MROH9: variants seen among roughly 807,000 people sequenced by gnomAD.
The protein encoded by MROH9 is maestro heat-like repeat-containing protein family member 9.
MROH9 carries 92 observed loss-of-function variants against 98.2 expected under a neutral mutation model. The observed-to-expected ratio is 0.94, with a 90% CI of 0.79 to 1.11. The LOEUF (loss-of-function observed/expected upper bound fraction) is 1.11. Ranked by LOEUF, MROH9 falls within the 50% of genes most tolerant of loss-of-function variation. The probability of loss-of-function intolerance (pLI) is 0.00; values close to 1 mark genes in which losing one functional copy is unlikely to be tolerated. For synonymous variants in MROH9, 397 were observed against 368.9 expected (o/e 1.08, Z -0.87); for missense variants, 1,057 against 1,014.8 (o/e 1.04, Z -0.57).
intron 15 of MROH9, among the ~76,000 whole-genome samples, chr1:171,006,133 A>C (rs991271347): frequency 8.5e-5 from 13 of 152,186 alleles, no homozygotes; most frequent in East Asian, 3.9e-4. Context: ...AAACTCCCTC[A>C]GCTTTTGTTT....
chr1:170,941,230 G>C (rs893205793), intron 1 of MROH9, among the ~76,000 whole-genome samples: 1 of 152,062 alleles, frequency 6.6e-6, no homozygotes, highest in Admixed American at 6.6e-5. Context: ...ACTTACCCTG[G>C]AAAAGGCCAT....
intron 7 of MROH9, 27 bp from the exon 8 acceptor site, chr1:170,971,721 G>A: frequency 6.2e-7 from 1 of 1,612,822 alleles, no homozygotes; most frequent in South Asian, 1.1e-5. Flanking sequence ...CATAGCAAAT[G>A]CATGTTCTCC....
At position 171,045,153 on chromosome 1, in the gene MROH9, A is replaced by T. The variant is rs552375665; in HGVS notation, c.2282-16979A>T. On this transcript the variant is annotated intron_variant, in intron 20 of 21. Transcript: ENST00000367759. ...GTAGCTGGGACTACAGGCGCCCGCC[A>T]CCACGCCCGGTTAATTTTTTCTATT... Among the ~76,000 whole-genome samples the T allele has an allele frequency of 1.7e-4, 25 of 150,770 alleles. No individual in the cohort carries two copies. In the East Asian group the frequency reaches 4.9e-3, roughly 30 times the overall value.
chr1:170,956,223 A>C (rs1243052577), intron 3 of MROH9, among the ~76,000 whole-genome samples: 1 of 152,138 alleles, frequency 6.6e-6, no homozygotes, highest in South Asian at 2.1e-4. Context: ...CTATGGCCTT[A>C]TAGTACAGCT....
At chr1:170,968,839 A>AAATATAACT (rs1395832675) in intron 7 of MROH9, among the ~76,000 whole-genome samples, 1 of 152,208 alleles carries the variant, frequency 6.6e-6, no homozygotes, top group Admixed American at 6.6e-5. Context: ...TACTAAAAGG[A>AAATATAACT]AATATAACTA....
At position 170,947,509 on chromosome 1, in the gene MROH9, C is replaced by T. The variant is rs754518398; in HGVS notation, c.26-18C>T. Reference sequence around the variant, plus strand: ...CTATGTTCATTCCTTTTTAACGAATCTCCTTCTTTCTGGCTAGAGAGTAGT... The same window carrying T: ...CTATGTTCATTCCTTTTTAACGAATTTCCTTCTTTCTGGCTAGAGAGTAGT... On this transcript the variant is annotated intron_variant, in intron 2 of 21. Transcript: ENST00000367759. The T allele has an allele frequency of 1.9e-6, 3 of 1,607,024 alleles. No homozygotes were observed. Among genetic ancestry groups the T allele is most frequent in the Admixed American group, 1.7e-5 (1 of 59,554 alleles).
intron 20 of MROH9, among the ~76,000 whole-genome samples, chr1:171,038,779 T>A (rs1653193218): frequency 1.3e-5 from 2 of 152,190 alleles, no homozygotes; most frequent in Non-Finnish European, 2.9e-5. Context: ...ACTGTCATAG[T>A]GACACCATTA....
At chr1:171,006,354 C>CT (rs1260270184) in intron 15 of MROH9, among the ~76,000 whole-genome samples, 2 of 151,992 alleles carry the variant, frequency 1.3e-5, no homozygotes, top group South Asian at 2.1e-4. Context: ...AAGCTTATCT[C>CT]TTTTTTTTAC....
chr1:170,959,054 A>G (rs1649903145), intron 4 of MROH9, among the ~76,000 whole-genome samples: 1 of 152,162 alleles, frequency 6.6e-6, no homozygotes, highest in African/African-American at 2.4e-5. Context: ...ACAAAGCCAA[A>G]AGCTGAACCT....
chr1:171,024,644 C>T lies in MROH9; in HGVS notation c.2062-5C>T. On this transcript the variant is annotated splice_polypyrimidine_tract_variant and splice_region_variant and intron_variant, in intron 18 of 21. Coordinates refer to ENST00000367759, the MANE Select transcript of MROH9 (RefSeq NM_001163629.2). ...GATCTTCACCGGCCTTTTTCTGTCT[C>T]ACAGGCATGTAAATATACATTAAAA... The T allele has an allele frequency of 6.5e-7, 1 of 1,544,766 alleles. No individual in the cohort carries two copies. The highest frequency in any genetic ancestry group is 2.4e-5 in the East Asian group (1 of 40,836).
intron 9 of MROH9, 147 bp downstream of exon 9, chr1:170,983,681 A>G: frequency 1.7e-6 from 1 of 579,176 alleles, no homozygotes; most frequent in Non-Finnish European, 3.1e-6. Context: ...ATTATAGACC[A>G]TTTAGTTTTC....
intron 10 of MROH9, among the ~76,000 whole-genome samples, chr1:170,987,046 A>AGGTCTTAACTATGTTGCCCAGGCT (rs1340385114): frequency 1.4e-5 from 2 of 144,694 alleles, no homozygotes; most frequent in African/African-American, 5.4e-5. Flanking sequence ...GTAGAGATGG[A>AGGTCTTAACTATGTTGCCCAGGCT]GGTCTTAACT....
At position 171,039,619 on chromosome 1, in the gene MROH9, A is replaced by G. The variant is rs991542108; in HGVS notation, c.2281+14199A>G. ...AGCTGTGAAGAAGGCTTAAAAATCTAGTTGTTAGCTGGGTGGCCAGCTAAC... is the reference window on the plus strand; with the variant it reads ...AGCTGTGAAGAAGGCTTAAAAATCTGGTTGTTAGCTGGGTGGCCAGCTAAC... On this transcript the variant is annotated intron_variant, in intron 20 of 21. Coordinates refer to ENST00000367759, the MANE Select transcript of MROH9 (RefSeq NM_001163629.2). Among the ~76,000 whole-genome samples, 69 of 152,184 alleles carry G rather than the reference A, an allele frequency of 4.5e-4. 4 individuals are homozygous for G. The highest frequency in any genetic ancestry group is 5.9e-5 in the Non-Finnish European group (4 of 68,008).
chr1:170,950,507 G>A (rs917866225), intron 3 of MROH9, among the ~76,000 whole-genome samples: 12 of 124,050 alleles, frequency 9.7e-5, no homozygotes, highest in Non-Finnish European at 2.0e-4. Flanking sequence ...TCACAAAAGA[G>A]TATCATTAAC....
rs1211703160 is a variant in MROH9 at position 171,033,680 on chromosome 1, G to GT, written c.2281+8267dup. Among the ~76,000 whole-genome samples the GT allele has an allele frequency of 5.3e-5, 8 of 152,064 alleles. No homozygotes were observed. In the East Asian group the frequency reaches 5.8e-4, roughly 11 times the overall value. On this transcript the variant is annotated intron_variant, in intron 20 of 21. Transcript: ENST00000367759. ...TTTGTTTGTTTGTTTGTTTTGTTTT[G>GT]TTTTTTTCCTGATGGGAGCCTCTGA...
chr1:170,963,636 G>A (rs1055894081), intron 6 of MROH9, among the ~76,000 whole-genome samples: 2 of 152,092 alleles, frequency 1.3e-5, no homozygotes, highest in Admixed American at 6.6e-5. Flanking sequence ...CATACACCAT[G>A]GGATACTATG....
In MROH9 at chr1:171,057,453, A is replaced by G. The variant is rs146698216; in HGVS notation, c.2282-4679A>G. On this transcript the variant is annotated intron_variant, in intron 20 of 21. Transcript: ENST00000367759. ...AAAGGAACAAACAAAGCCTCCAGGAAACTGGGGACTTTGTGAAAAGATGGA... is the reference window on the plus strand; with the variant it reads ...AAAGGAACAAACAAAGCCTCCAGGAGACTGGGGACTTTGTGAAAAGATGGA... Among the ~76,000 whole-genome samples the G allele has an allele frequency of 1.5e-3, 222 of 152,346 alleles. 1 individual carries two copies. The highest frequency in any genetic ancestry group is 5.1e-3 in the African/African-American group (213 of 41,582).
intron 17 of MROH9, among the ~76,000 whole-genome samples, chr1:171,018,155 G>T (rs932210263): frequency 3.3e-5 from 5 of 152,062 alleles, no homozygotes; most frequent in African/African-American, 1.2e-4. Context: ...CAGGCATCAG[G>T]TTGGTGCCCC....
intron 19 of MROH9, 76 bp downstream of exon 19, chr1:171,024,841 G>T: frequency 3.5e-6 from 3 of 863,866 alleles, no homozygotes; most frequent in Non-Finnish European, 5.6e-6. Flanking sequence ...GATAAAAACT[G>T]TAATGGGGAT....
Sources: allele counts gnomAD v4.1 joint callset (sites outside exome capture counted in the v4.1 genomes callset), GRCh38; gene constraint gnomAD v4.1.1; transcripts MANE v1.5; gene names NCBI Gene and HGNC (gene_info 2026-07-23, HGNC 2026-07-21).